Variants in NEGR1 observed in about 807,000 individuals in gnomAD.
NEGR1 encodes neuronal growth regulator 1.
A neutral mutation model predicts 40.9 loss-of-function variants in NEGR1; 10 were observed. The observed-to-expected ratio is 0.24, with a 90% CI of 0.15 to 0.42. NEGR1 has a LOEUF of 0.42. Among genes scored for constraint, NEGR1 ranks in the 10% least tolerant of loss-of-function variants. The pLI is 1.00. For missense variants in NEGR1, 352 were observed against 438.9 expected, an observed-to-expected ratio of 0.80 and a Z score of 1.77; for synonymous variants, 185 against 166.8, an observed-to-expected ratio of 1.11 and a Z score of -0.84.
At chr1:71,588,002 G>GA (rs1388615948) in intron 6 of NEGR1, among the ~76,000 whole-genome samples, 2 of 152,098 alleles carry the variant, frequency 1.3e-5, no homozygotes, top group Non-Finnish European at 2.9e-5. Context: ...GCAAGTCTTT[G>GA]AATACGTGTC....
At chr1:72,112,742 T>G (rs547961686) in intron 1 of NEGR1, among the ~76,000 whole-genome samples, 1 of 151,612 alleles carries the variant, frequency 6.6e-6, no homozygotes, top group East Asian at 2.0e-4. Context: ...GCTTCAACAA[T>G]GTTTCTATTA....
intron 3 of NEGR1, among the ~76,000 whole-genome samples, chr1:71,702,736 A>AAC (rs1553159750): frequency 4.0e-5 from 6 of 151,164 alleles, no homozygotes; most frequent in South Asian, 2.1e-4. Context: ...TAAAAAAAAA[A>AAC]AAAAAACACT....
intron 1 of NEGR1, among the ~76,000 whole-genome samples, chr1:71,970,177 C>T (rs1263165573): frequency 3.9e-5 from 6 of 151,940 alleles, no homozygotes; most frequent in Admixed American, 3.9e-4. Flanking sequence ...GTGTTGTCAG[C>T]AGAGGGAACA....
intron 6 of NEGR1, among the ~76,000 whole-genome samples, chr1:71,426,390 G>GA (rs561729376): frequency 1.8e-3 from 278 of 152,280 alleles, no homozygotes; most frequent in Admixed American, 3.9e-3. Context: ...TTTTTATGTA[G>GA]ATGAGGTAAA....
intron 4 of NEGR1, among the ~76,000 whole-genome samples, chr1:71,695,696 C>T (rs974148059): frequency 8.6e-5 from 13 of 151,892 alleles, no homozygotes; most frequent in Admixed American, 7.9e-4. Context: ...GAAGAGAATT[C>T]TGCATGGGTC....
chr1:72,061,845 G>C (rs1262747187), intron 1 of NEGR1, among the ~76,000 whole-genome samples: 1 of 151,668 alleles, frequency 6.6e-6, no homozygotes, highest in Non-Finnish European at 1.5e-5. Flanking sequence ...TATGCCACTG[G>C]ATTGTGAACG....
At chr1:71,806,573 G>C (rs781284764) in intron 2 of NEGR1, among the ~76,000 whole-genome samples, 24 of 151,614 alleles carry the variant, frequency 1.6e-4, no homozygotes, top group Non-Finnish European at 3.1e-4. Flanking sequence ...CCATAAACTG[G>C]TTCAGGAAAT....
intron 2 of NEGR1, among the ~76,000 whole-genome samples, chr1:71,884,545 T>TA (rs1279546717): frequency 2.0e-5 from 3 of 152,204 alleles, no homozygotes; most frequent in Non-Finnish European, 4.4e-5. Context: ...AGGGATGTCT[T>TA]AAAATTCATC....
intron 1 of NEGR1, among the ~76,000 whole-genome samples, chr1:72,085,262 A>G (rs971642907): frequency 1.3e-5 from 2 of 152,222 alleles, no homozygotes. Context: ...AAAGATTAGT[A>G]TTTGTTATAA....
chr1:72,143,645 A>T (rs1157583563), intron 1 of NEGR1, among the ~76,000 whole-genome samples: 1 of 151,206 alleles, frequency 6.6e-6, no homozygotes, highest in Admixed American at 6.6e-5. Context: ...GCATCTCATG[A>T]TTAAATATCT....
At chr1:71,587,555 A>T (rs1464724791) in intron 6 of NEGR1, among the ~76,000 whole-genome samples, 1 of 152,100 alleles carries the variant, frequency 6.6e-6, no homozygotes, top group Non-Finnish European at 1.5e-5. Context: ...TAAGGCAGGG[A>T]AAAGACAGTT....
intron 1 of NEGR1, among the ~76,000 whole-genome samples, chr1:72,118,815 T>C (rs1363774361): frequency 6.6e-6 from 1 of 151,826 alleles, no homozygotes; most frequent in Non-Finnish European, 1.5e-5. Context: ...TTTCTATTGT[T>C]TATTTTCTAT....
At chr1:72,015,504 G>A (rs1646701495) in intron 1 of NEGR1, among the ~76,000 whole-genome samples, 1 of 151,856 alleles carries the variant, frequency 6.6e-6, no homozygotes, top group Non-Finnish European at 1.5e-5. Context: ...TAAATAAAAT[G>A]ACCATTATTA....
intron 6 of NEGR1, among the ~76,000 whole-genome samples, chr1:71,445,205 C>G (rs1646572740): frequency 6.6e-6 from 1 of 151,958 alleles, no homozygotes; most frequent in South Asian, 2.1e-4. Context: ...GGGGTTAAGA[C>G]TTATCATGAG....
At chr1:71,860,652 G>C (rs981169652) in intron 2 of NEGR1, among the ~76,000 whole-genome samples, 1 of 151,842 alleles carries the variant, frequency 6.6e-6, no homozygotes, top group African/African-American at 2.4e-5. Flanking sequence ...TAGTTTGCTG[G>C]GGCTGATAAA....
intron 2 of NEGR1, among the ~76,000 whole-genome samples, chr1:71,868,981 G>A (rs1231865290): frequency 6.6e-6 from 1 of 152,000 alleles, no homozygotes; most frequent in Non-Finnish European, 1.5e-5. Flanking sequence ...TTTCTCCTAG[G>A]AATACATCAT....
chr1:71,787,990 C>T (rs1278534784), intron 2 of NEGR1, among the ~76,000 whole-genome samples: 1 of 152,144 alleles, frequency 6.6e-6, no homozygotes, highest in African/African-American at 2.4e-5. Flanking sequence ...GAGTAACTGC[C>T]TTAGAAAGGC....
intron 2 of NEGR1, among the ~76,000 whole-genome samples, chr1:71,778,844 GTGCTAAACATTA>G (rs1480767799): frequency 2.0e-5 from 3 of 152,128 alleles, no homozygotes; most frequent in Non-Finnish European, 4.4e-5. Context: ...TATATTTAAA[GTGCTAAACATTA>G]TGCTAAACTA....
chr1:72,220,998 T>G (rs1041594364), intron 1 of NEGR1, among the ~76,000 whole-genome samples: 1 of 151,778 alleles, frequency 6.6e-6, no homozygotes, highest in East Asian at 1.9e-4. Context: ...CTAGGTGGCT[T>G]AAAACATGAC....
Sources: allele counts gnomAD v4.1 joint callset (sites outside exome capture counted in the v4.1 genomes callset), GRCh38; gene constraint gnomAD v4.1.1; transcripts MANE v1.5; gene names NCBI Gene and HGNC (gene_info 2026-07-23, HGNC 2026-07-21).